SHANK2: variants seen among roughly 807,000 people sequenced by gnomAD.
SHANK2 encodes the protein SH3 and multiple ankyrin repeat domains protein 2.
A neutral mutation model predicts 133.7 loss-of-function variants in SHANK2; 43 were observed. The ratio of observed to expected loss-of-function variants is 0.32; its 90% CI spans 0.25 to 0.41. The LOEUF is 0.41. Ranked by LOEUF, SHANK2 falls within the 10% of genes least tolerant of loss-of-function variation. The probability of loss-of-function intolerance (pLI) is 1.00; values close to 1 mark genes in which losing one functional copy is unlikely to be tolerated. For missense variants in SHANK2, 1,994 were observed against 2,235.8 expected (o/e 0.89, Z 2.18); for synonymous variants, 1,017 against 952.8 (o/e 1.07, Z -1.24).
intron 2 of SHANK2, among the ~76,000 whole-genome samples, chr11:71,222,560 G>T (rs1376835600): frequency 6.6e-6 from 1 of 152,244 alleles, no homozygotes; most frequent in Non-Finnish European, 1.5e-5. Flanking sequence ...TCCAAAGGCA[G>T]AAGCGCATGC....
intron 14 of SHANK2, among the ~76,000 whole-genome samples, chr11:70,745,728 C>A (rs1555035877): frequency 6.6e-6 from 1 of 152,170 alleles, no homozygotes; most frequent in Non-Finnish European, 1.5e-5. Flanking sequence ...TTCTGTGAGC[C>A]GTCCCACTCC....
intron 10 of SHANK2, among the ~76,000 whole-genome samples, chr11:70,916,502 C>A (rs576540538): frequency 6.6e-6 from 1 of 152,098 alleles, no homozygotes; most frequent in Non-Finnish European, 1.5e-5. Flanking sequence ...TATGTGTGTG[C>A]GTGTACACAC....
intron 17 of SHANK2, among the ~76,000 whole-genome samples, chr11:70,618,742 G>A (rs1257332087): frequency 6.6e-6 from 1 of 152,222 alleles, no homozygotes; most frequent in Admixed American, 6.5e-5. Context: ...CCCTCATCAC[G>A]CTATGCTGAG....
chr11:70,645,008 G>A (rs981330939), intron 17 of SHANK2, among the ~76,000 whole-genome samples: 6 of 152,210 alleles, frequency 3.9e-5, no homozygotes, highest in Non-Finnish European at 8.8e-5. Context: ...GATCACCTGA[G>A]TTCAGGAGTT....
At chr11:70,661,572 C>G in intron 16 of SHANK2, 24 bp downstream of exon 16, 1 of 1,589,102 alleles carries the variant, frequency 6.3e-7, no homozygotes, top group Non-Finnish European at 8.6e-7. Context: ...GGAACATATT[C>G]AGGCTCAGAG....
At chr11:70,564,206 T>C (rs1306166526) in intron 17 of SHANK2, among the ~76,000 whole-genome samples, 1 of 152,174 alleles carries the variant, frequency 6.6e-6, no homozygotes, top group Non-Finnish European at 1.5e-5. Flanking sequence ...CATTGTTTAC[T>C]TCAAATTTGG....
intron 14 of SHANK2, among the ~76,000 whole-genome samples, chr11:70,722,759 C>T (rs2134671525): frequency 6.6e-6 from 1 of 152,268 alleles, no homozygotes; most frequent in Admixed American, 6.5e-5. Flanking sequence ...TACCTCCTAA[C>T]ATAGTGTACC....
intron 12 of SHANK2, among the ~76,000 whole-genome samples, chr11:70,809,767 C>T (rs1450076546): frequency 6.6e-6 from 1 of 152,208 alleles, no homozygotes; most frequent in Non-Finnish European, 1.5e-5. Flanking sequence ...ACAGTGGCCT[C>T]TTCTGGAACA....
intron 2 of SHANK2, among the ~76,000 whole-genome samples, chr11:71,169,240 A>C (rs1953256851): frequency 6.6e-6 from 1 of 152,174 alleles, no homozygotes; most frequent in Non-Finnish European, 1.5e-5. Flanking sequence ...TGATTGACTA[A>C]GCTCGTGTTT....
At chr11:71,237,017 T>C (rs781879510) in intron 1 of SHANK2, among the ~76,000 whole-genome samples, 14 of 152,204 alleles carry the variant, frequency 9.2e-5, no homozygotes, top group African/African-American at 1.7e-4. Flanking sequence ...CAATCAGTCA[T>C]ACCTCCTGGA....
Position 70,678,898 on chromosome 11 carries a change from C to T in SHANK2, c.1854-17220G>A, listed in dbSNP as rs368110593. 6.6e-5 allele frequency among the ~76,000 whole-genome samples: 10 copies of T among 152,270 alleles called. No homozygotes were observed. In the South Asian group the frequency reaches 8.3e-4, roughly 13 times the overall value. On this transcript the variant is annotated intron_variant, in intron 15 of 25. Transcript: ENST00000601538. ...TGGTCCATGCCCCTGACCCCAAGTCCAGGCTGCACAGGTATTCATTTGCCT... is the reference window on the plus strand; with the variant it reads ...TGGTCCATGCCCCTGACCCCAAGTCTAGGCTGCACAGGTATTCATTTGCCT...
chr11:70,633,524 G>A (rs1555002962), intron 17 of SHANK2: 1 of 152,244 alleles, frequency 6.6e-6, no homozygotes, highest in Non-Finnish European at 1.5e-5. Flanking sequence ...TTGCCTTCTT[G>A]TACAAACAGT....
chr11:70,915,317 A>C (rs868934989), intron 10 of SHANK2, among the ~76,000 whole-genome samples: 3 of 152,140 alleles, frequency 2.0e-5, no homozygotes, highest in Admixed American at 1.3e-4. Context: ...ACACACCCCC[A>C]AAAAAATCCC....
intron 14 of SHANK2, among the ~76,000 whole-genome samples, chr11:70,754,118 T>C (rs1436519917): frequency 6.6e-6 from 1 of 152,190 alleles, no homozygotes; most frequent in Non-Finnish European, 1.5e-5. Context: ...GACAATTGTG[T>C]AGTTTAAAAA....
intron 11 of SHANK2, among the ~76,000 whole-genome samples, chr11:70,839,152 C>T (rs1948866059): frequency 6.6e-6 from 1 of 152,188 alleles, no homozygotes; most frequent in Non-Finnish European, 1.5e-5. Flanking sequence ...ATACAACACA[C>T]TTGCGGATAT....
chr11:71,218,626 AC>A (rs1954468084), intron 2 of SHANK2, among the ~76,000 whole-genome samples: 1 of 151,944 alleles, frequency 6.6e-6, no homozygotes, highest in South Asian at 2.1e-4. Flanking sequence ...AGGGTATGGA[AC>A]CTTCATCGCT....
intron 15 of SHANK2, among the ~76,000 whole-genome samples, chr11:70,687,075 G>A (rs983264550): frequency 2.6e-5 from 4 of 152,224 alleles, no homozygotes. Context: ...TGTCTAAAGC[G>A]CATTCATTCA....
At chr11:70,948,400 G>A in intron 10 of SHANK2, 1 of 456,888 alleles carries the variant, frequency 2.2e-6, no homozygotes. Flanking sequence ...CATATGTACT[G>A]GTGGAAATAA....
intron 14 of SHANK2, among the ~76,000 whole-genome samples, chr11:70,773,603 T>C (rs1182344489): frequency 6.6e-6 from 1 of 152,206 alleles, no homozygotes; most frequent in African/African-American, 2.4e-5. Flanking sequence ...TCCTTATACC[T>C]TTCTTTATTT....
Sources: gnomAD v4.1 joint callset for allele counts (sites outside exome capture counted in the v4.1 genomes callset) on GRCh38, gnomAD v4.1.1 for gene constraint, MANE v1.5 for transcripts, NCBI Gene and HGNC (gene_info 2026-07-23, HGNC 2026-07-21) for gene names.